Variants in OR5C1 observed in about 807,000 individuals in gnomAD.
The protein encoded by OR5C1 is olfactory receptor 5C1.
For missense variants in OR5C1, 433 were observed against 426.5 expected, an observed-to-expected ratio of 1.02 and a Z score of -0.13; for synonymous variants, 184 against 181.5, an observed-to-expected ratio of 1.01 and a Z score of -0.11.
chr9:122,789,145 C>A lies in OR5C1; in HGVS notation c.213C>A (p.Ser71=). The A allele has an allele frequency of 6.2e-7, 1 of 1,613,876 alleles. No homozygotes were observed. The highest frequency in any genetic ancestry group is 1.7e-5 in the Admixed American group (1 of 60,010). Residue 71 remains serine (S), a synonymous_variant, in exon 1 of 1, where the codon TCC becomes TCA. Coordinates refer to ENST00000373680, the MANE Select transcript of OR5C1 (RefSeq NM_001001923.1). Reference sequence around the variant, plus strand: ...TGTACTTCTTCCTGGCCAACCTCTCCCTGCTGGATGCCTGCTATTCCTCCG... The same window carrying A: ...TGTACTTCTTCCTGGCCAACCTCTCACTGCTGGATGCCTGCTATTCCTCCG... ...TPMYFFLANL[S]LLDACYSSAI... is the part of the protein sequence containing the mutation.
At position 122,789,175 on chromosome 9, in the gene OR5C1, C is replaced by T. The variant is rs368970257; in HGVS notation, c.243C>T (p.Ile81=). 1.7e-5 allele frequency: 27 copies of T among 1,614,136 alleles called. No individual in the cohort carries two copies. The highest frequency in any genetic ancestry group is 6.7e-5 in the East Asian group (3 of 44,866). The part of the protein sequence containing the change: ...SLLDACYSSA[I]GPKMLVDLLL... ...TGGATGCCTGCTATTCCTCCGCCAT[C>T]GGCCCCAAGATGCTAGTGGACCTGC... is the stretch of plus-strand genomic sequence containing the variant. Residue 81 remains isoleucine (I), a synonymous_variant, in exon 1 of 1, where the codon ATC becomes ATT. Coordinates refer to ENST00000373680, the MANE Select transcript of OR5C1 (RefSeq NM_001001923.1).
rs1361953622 is a variant in OR5C1 at position 122,789,384 on chromosome 9, C to G, written c.452C>G (p.Ala151Gly). Residue 151 changes from alanine to glycine, a missense_variant, in exon 1 of 1, where the codon GCA (alanine) becomes GGA (glycine). Coordinates refer to ENST00000373680, the MANE Select transcript of OR5C1 (RefSeq NM_001001923.1). ...CGTCTATGCCTGGCCTTGCTGGGAGCATCAGGCCTGGGTGGGGCAGTGAGT... is the reference window on the plus strand; with the variant it reads ...CGTCTATGCCTGGCCTTGCTGGGAGGATCAGGCCTGGGTGGGGCAGTGAGT... The part of the protein sequence containing the change: ...SQRLCLALLG[A>G]SGLGGAVSAF... The G allele has an allele frequency of 6.2e-7, 1 of 1,613,184 alleles. No individual in the cohort carries two copies.
In OR5C1 at chr9:122,789,811, C is replaced by G. The variant is rs1304997777; in HGVS notation, c.879C>G (p.Ile293Met). Residue 293 changes from isoleucine (I) to methionine (M), a missense_variant, in exon 1 of 1, where the codon ATC (isoleucine) becomes ATG (methionine). Transcript: ENST00000373680. Reference sequence around the variant, plus strand: ...TCATCCCGTCTCTCAACCCACTCATCTACAGCCTCCGCAATAAGGAGGTCA... The same window carrying G: ...TCATCCCGTCTCTCAACCCACTCATGTACAGCCTCCGCAATAAGGAGGTCA... ...TLVIPSLNPL[I>M]YSLRNKEVKE... 1 of 1,606,762 alleles carries G rather than the reference C, an allele frequency of 6.2e-7. No individual in the cohort carries two copies. The highest frequency in any genetic ancestry group is 8.5e-7 in the Non-Finnish European group (1 of 1,176,308).
Position 122,789,643 on chromosome 9 carries a change from C to A in OR5C1, c.711C>A (p.Gly237=). The change falls in exon 1 of 1, where the codon GGC becomes GGA. Residue 237 remains glycine (G), a synonymous_variant. Coordinates refer to ENST00000373680, the MANE Select transcript of OR5C1 (RefSeq NM_001001923.1). ...GAVIHMRSVE[G]SRRAASTGGS... is the part of the protein sequence containing the mutation. ...TGATCCACATGCGCTCGGTCGAGGGCAGTCGGCGAGCAGCCTCCACCGGTG... is the reference window on the plus strand; with the variant it reads ...TGATCCACATGCGCTCGGTCGAGGGAAGTCGGCGAGCAGCCTCCACCGGTG... 6.2e-7 allele frequency: 1 copy of A among 1,611,594 alleles called. No homozygotes were observed. Among genetic ancestry groups the A allele is most frequent in the South Asian group, 1.1e-5 (1 of 90,730 alleles).
chr9:122,788,947 C>G lies in OR5C1; in HGVS notation c.15C>G (p.Asn5Lys), dbSNP rs78450021. 1.1e-3 allele frequency: 1,768 copies of G among 1,576,120 alleles called. 20 individuals are homozygous for G. In the African/African-American group the frequency reaches 0.021, roughly 19 times the overall value. Residue 5 changes from asparagine to lysine, a missense_variant, in exon 1 of 1, where the codon AAC becomes AAG. Asn to Lys is a moderately conservative substitution (Grantham distance 94). Transcript: ENST00000373680. MNSENLTRAAVAPAE... is the reference protein window; with the variant it reads MNSEKLTRAAVAPAE... Reference sequence around the variant, plus strand: ...TGTCCAGTAGGATGAACTCAGAGAACCTCACCCGGGCCGCGGTTGCCCCTG... The same window carrying G: ...TGTCCAGTAGGATGAACTCAGAGAAGCTCACCCGGGCCGCGGTTGCCCCTG...
rs1046367366 is a variant in OR5C1 at position 122,789,810 on chromosome 9, T to C, written c.878T>C (p.Ile293Thr). 1.1e-5 allele frequency: 18 copies of C among 1,607,120 alleles called. No homozygotes were observed. In the African/African-American group the frequency reaches 1.2e-4, roughly 11 times the overall value. Residue 293 changes from isoleucine (I) to threonine (T), a missense_variant, in exon 1 of 1, where the codon ATC (isoleucine) becomes ACC (threonine). Coordinates refer to ENST00000373680, the MANE Select transcript of OR5C1 (RefSeq NM_001001923.1). ...TLVIPSLNPL[I>T]YSLRNKEVKE... Reference sequence around the variant, plus strand: ...GTCATCCCGTCTCTCAACCCACTCATCTACAGCCTCCGCAATAAGGAGGTC... The same window carrying C: ...GTCATCCCGTCTCTCAACCCACTCACCTACAGCCTCCGCAATAAGGAGGTC...
In OR5C1 at chr9:122,788,948, C is replaced by T. The variant is rs763924560; in HGVS notation, c.16C>T (p.Leu6Phe). 2 of 1,576,516 alleles carry T rather than the reference C, an allele frequency of 1.3e-6. No individual in the cohort carries two copies. Among genetic ancestry groups the T allele is most frequent in the Admixed American group, 3.5e-5 (2 of 57,468 alleles). The change falls in exon 1 of 1, where the codon CTC (leucine) becomes TTC (phenylalanine). Residue 6 changes from leucine (L) to phenylalanine (F), a missense_variant. Physicochemically the swap from Leu to Phe is conservative, Grantham distance 22. Transcript: ENST00000373680. MNSEN[L>F]TRAAVAPAEF... The stretch of plus-strand genomic sequence containing the variant: ...GTCCAGTAGGATGAACTCAGAGAAC[C>T]TCACCCGGGCCGCGGTTGCCCCTGC...
Position 122,789,196 on chromosome 9 carries a change from C to G in OR5C1, c.264C>G (p.Asp88Glu). The change falls in exon 1 of 1, where the codon GAC becomes GAG. Residue 88 changes from aspartate to glutamate, a missense_variant. By Grantham distance (45) the Asp-to-Glu change is conservative (BLOSUM62 2). Coordinates refer to ENST00000373680, the MANE Select transcript of OR5C1 (RefSeq NM_001001923.1). Reference protein sequence around the residue: ...SSAIGPKMLVDLLLPRATIPY... With the variant: ...SSAIGPKMLVELLLPRATIPY... Reference sequence around the variant, plus strand: ...CCATCGGCCCCAAGATGCTAGTGGACCTGCTGCTGCCCCGAGCCACCATCC... The same window carrying G: ...CCATCGGCCCCAAGATGCTAGTGGAGCTGCTGCTGCCCCGAGCCACCATCC... 6.2e-7 allele frequency: 1 copy of G among 1,614,210 alleles called. No homozygotes were observed. Among genetic ancestry groups the G allele is most frequent in the Non-Finnish European group, 8.5e-7 (1 of 1,180,038 alleles).
Position 122,789,722 on chromosome 9 carries a change from C to T in OR5C1, c.790C>T (p.Leu264=), listed in dbSNP as rs78056309. ...GTACGGGACACTCATTTTCATGTAC[C>T]TGCGCCCCAGCTCCAGCTATGCCCT... The part of the protein sequence containing the change: ...MMYGTLIFMY[L]RPSSSYALDT... The change falls in exon 1 of 1, where the codon CTG becomes TTG. Residue 264 remains leucine, a synonymous_variant. Transcript: ENST00000373680. The T allele has an allele frequency of 5.5e-4, 888 of 1,606,952 alleles. 4 individuals carry two copies. The African/African-American group carries it at 0.011, about 20-fold the overall frequency.
Position 122,789,473 on chromosome 9 carries a change from T to C in OR5C1, c.541T>C (p.Phe181Leu). 1.9e-6 allele frequency: 3 copies of C among 1,614,190 alleles called. No individual in the cohort carries two copies. Among genetic ancestry groups the C allele is most frequent in the Non-Finnish European group, 2.5e-6 (3 of 1,180,016 alleles). ...CTGCCGCTCCCGGAAGATCAATAGC[T>C]TCTTCTGCGATATCCCTCCACTGCT... The part of the protein sequence containing the change: ...SFCRSRKINS[F>L]FCDIPPLLAI... Residue 181 changes from phenylalanine to leucine, a missense_variant, in exon 1 of 1, where the codon TTC (phenylalanine) becomes CTC (leucine). Phe to Leu is a conservative substitution (Grantham distance 22). Transcript: ENST00000373680.
At position 122,789,400 on chromosome 9, in the gene OR5C1, G is replaced by A. The variant is rs767916487; in HGVS notation, c.468G>A (p.Gly156=). 2.5e-6 allele frequency: 4 copies of A among 1,612,704 alleles called. No homozygotes were observed. The African/African-American group carries it at 5.3e-5, about 22-fold the overall frequency. The change falls in exon 1 of 1, where the codon GGG becomes GGA. Residue 156 remains glycine (G), a synonymous_variant. Coordinates refer to ENST00000373680, the MANE Select transcript of OR5C1 (RefSeq NM_001001923.1). ...LALLGASGLG[G]AVSAFVHTTL... ...TGCTGGGAGCATCAGGCCTGGGTGG[G>A]GCAGTGAGTGCCTTTGTTCACACAA... is the stretch of plus-strand genomic sequence containing the variant.
rs776513281 is a variant in OR5C1 at position 122,789,530 on chromosome 9, G to C, written c.598G>C (p.Glu200Gln). The change falls in exon 1 of 1, where the codon GAA becomes CAA. Residue 200 changes from glutamate to glutamine, a missense_variant. Physicochemically the swap from Glu to Gln is conservative, Grantham distance 29. Transcript: ENST00000373680. ...AISCSDTSLN[E>Q]LLLFAICGFI... The stretch of plus-strand genomic sequence containing the variant: ...CTCGTGCAGTGACACCAGTCTCAAT[G>C]AACTCCTTCTCTTCGCCATCTGTGG... The C allele has an allele frequency of 1.9e-6, 3 of 1,614,188 alleles. No individual in the cohort carries two copies. The highest frequency in any genetic ancestry group is 2.5e-6 in the Non-Finnish European group (3 of 1,180,032).
In OR5C1 at chr9:122,789,261, G is replaced by T; in HGVS notation, c.329G>T (p.Gly110Val). 1 of 1,614,090 alleles carries T rather than the reference G, an allele frequency of 6.2e-7. No homozygotes were observed. The highest frequency in any genetic ancestry group is 8.5e-7 in the Non-Finnish European group (1 of 1,179,950). ...ACALQMFVFA[G>V]LADTECCLLA... is the part of the protein sequence containing the mutation. ...GCCCTCCAGATGTTTGTCTTTGCAGGTCTGGCTGATACTGAGTGTTGCTTG... is the reference window on the plus strand; with the variant it reads ...GCCCTCCAGATGTTTGTCTTTGCAGTTCTGGCTGATACTGAGTGTTGCTTG... Residue 110 changes from glycine (G) to valine (V), a missense_variant, in exon 1 of 1, where the codon GGT becomes GTT. By Grantham distance (109) the Gly-to-Val change is moderately radical. Transcript: ENST00000373680.
rs201245954 is a variant in OR5C1 at position 122,789,354 on chromosome 9, C to T, written c.422C>T (p.Ser141Leu). 478 of 1,614,032 alleles carry T rather than the reference C, an allele frequency of 3.0e-4. No individual in the cohort carries two copies. The highest frequency in any genetic ancestry group is 4.9e-4 in the East Asian group (22 of 44,882). The change falls in exon 1 of 1, where the codon TCG becomes TTG. Residue 141 changes from serine (S) to leucine (L), a missense_variant. Ser to Leu is a moderately radical substitution (Grantham distance 145). Transcript: ENST00000373680. ...RNPLLYTTAM[S>L]QRLCLALLGA... Reference sequence around the variant, plus strand: ...CCACTTCTCTATACAACAGCTATGTCGCAGCGTCTATGCCTGGCCTTGCTG... The same window carrying T: ...CCACTTCTCTATACAACAGCTATGTTGCAGCGTCTATGCCTGGCCTTGCTG...
chr9:122,789,783 TG>T lies in OR5C1; in HGVS notation c.853del (p.Val285SerfsTer?). ...TDKMASVFYT[L>X]VIPSLNPLIY... ...AAGATGGCCTCTGTGTTCTATACCC[TG>T]GTCATCCCGTCTCTCAACCCACTCA... On this transcript the variant is annotated frameshift_variant, in exon 1 of 1. Coordinates refer to ENST00000373680, the MANE Select transcript of OR5C1 (RefSeq NM_001001923.1). LOFTEE classifies it low-confidence loss of function (END_TRUNC). 6.2e-7 allele frequency: 1 copy of T among 1,612,322 alleles called. No individual in the cohort carries two copies. The highest frequency in any genetic ancestry group is 8.5e-7 in the Non-Finnish European group (1 of 1,179,030).
rs370485474 is a variant in OR5C1 at position 122,789,713 on chromosome 9, T to C, written c.781T>C (p.Phe261Leu). The part of the protein sequence containing the change: ...AVAMMYGTLI[F>L]MYLRPSSSYA... ...GGCCATGATGTACGGGACACTCATTTTCATGTACCTGCGCCCCAGCTCCAG... is the reference window on the plus strand; with the variant it reads ...GGCCATGATGTACGGGACACTCATTCTCATGTACCTGCGCCCCAGCTCCAG... The change falls in exon 1 of 1, where the codon TTC (phenylalanine) becomes CTC (leucine). Residue 261 changes from phenylalanine (F) to leucine (L), a missense_variant. Physicochemically the swap from Phe to Leu is conservative, Grantham distance 22. Coordinates refer to ENST00000373680, the MANE Select transcript of OR5C1 (RefSeq NM_001001923.1). 1.0e-5 allele frequency: 16 copies of C among 1,605,830 alleles called. No homozygotes were observed. Among genetic ancestry groups the C allele is most frequent in the African/African-American group, 5.3e-5 (4 of 74,978 alleles).
Position 122,788,959 on chromosome 9 carries a change from C to T in OR5C1, c.27C>T (p.Ala9=), listed in dbSNP as rs113738435. 57 of 1,587,352 alleles carry T rather than the reference C, an allele frequency of 3.6e-5. No homozygotes were observed. Among genetic ancestry groups the T allele is most frequent in the African/African-American group, 2.3e-4 (17 of 74,758 alleles). The change falls in exon 1 of 1, where the codon GCC becomes GCT. Residue 9 remains alanine, a synonymous_variant. Coordinates refer to ENST00000373680, the MANE Select transcript of OR5C1 (RefSeq NM_001001923.1). The part of the protein sequence containing the change: MNSENLTR[A]AVAPAEFVLL... ...TGAACTCAGAGAACCTCACCCGGGC[C>T]GCGGTTGCCCCTGCTGAATTCGTCC... is the stretch of plus-strand genomic sequence containing the variant.
rs900600131 is a variant in OR5C1 at position 122,789,124 on chromosome 9, C to T, written c.192C>T (p.Tyr64=). ...RMDARLHTPM[Y]FFLANLSLLD... ...ATGCCCGGCTCCACACACCTATGTA[C>T]TTCTTCCTGGCCAACCTCTCCCTGC... The change falls in exon 1 of 1, where the codon TAC becomes TAT. Residue 64 remains tyrosine, a synonymous_variant. Coordinates refer to ENST00000373680, the MANE Select transcript of OR5C1 (RefSeq NM_001001923.1). 1 of 1,613,466 alleles carries T rather than the reference C, an allele frequency of 6.2e-7. No homozygotes were observed. The highest frequency in any genetic ancestry group is 8.5e-7 in the Non-Finnish European group (1 of 1,179,736).
rs1235005807 is a variant in OR5C1 at position 122,789,833 on chromosome 9, G to T, written c.901G>T (p.Val301Phe). ...CATCTACAGCCTCCGCAATAAGGAG[G>T]TCAAGGAGGCCCTCAGGCAGACCTG... ...PLIYSLRNKE[V>F]KEALRQTWSR... The change falls in exon 1 of 1, where the codon GTC becomes TTC. Residue 301 changes from valine to phenylalanine, a missense_variant. Val to Phe is a conservative substitution (Grantham distance 50, BLOSUM62 -1). Transcript: ENST00000373680. 3.8e-6 allele frequency: 6 copies of T among 1,591,402 alleles called. No individual in the cohort carries two copies. Among genetic ancestry groups the T allele is most frequent in the Non-Finnish European group, 5.1e-6 (6 of 1,169,524 alleles).
Sources: gnomAD v4.1 joint callset for allele counts on GRCh38, gnomAD v4.1.1 for gene constraint, MANE v1.5 for transcripts, NCBI Gene and HGNC (gene_info 2026-07-23, HGNC 2026-07-21) for gene names.